The following CSMD1 variants were observed in gnomAD, a reference collection of about 807,000 sequenced individuals.
CSMD1 encodes CUB and Sushi multiple domains 1, also known as CUB and sushi domain-containing protein 1.
In CSMD1, 213 loss-of-function variants were observed where a neutral mutation model predicts 417.5. The observed-to-expected ratio is 0.51, with a 90% CI of 0.46 to 0.57. CSMD1 has a LOEUF of 0.57. Among genes scored for constraint, CSMD1 ranks in the 20% least tolerant of loss-of-function variants. The probability of loss-of-function intolerance (pLI) is 0.00; values close to 1 mark genes in which losing one functional copy is unlikely to be tolerated. For synonymous variants in CSMD1, 2,862 were observed against 1,736.8 expected, an observed-to-expected ratio of 1.65 and a Z score of -16.11; for missense variants, 6,923 against 4,529.7, an observed-to-expected ratio of 1.53 and a Z score of -15.17.
intron 49 of CSMD1, among the ~76,000 whole-genome samples, chr8:3,062,957 A>G (rs2128994569): frequency 1.3e-5 from 2 of 152,340 alleles, no homozygotes; most frequent in African/African-American, 4.8e-5. Flanking sequence ...GATTTATTCA[A>G]TAAAAAGAAA....
At chr8:4,333,573 C>T (rs1371595341) in intron 3 of CSMD1, among the ~76,000 whole-genome samples, 10 of 152,160 alleles carry the variant, frequency 6.6e-5, no homozygotes, top group African/African-American at 1.7e-4. Context: ...ATGCAATATG[C>T]GTTAGTTATT....
At chr8:4,968,499 A>T (rs1448675930) in intron 1 of CSMD1, among the ~76,000 whole-genome samples, 1 of 152,152 alleles carries the variant, frequency 6.6e-6, no homozygotes, top group African/African-American at 2.4e-5. Context: ...GGAAAATGCA[A>T]AATGCAAAAA....
chr8:3,200,214 A>T (rs901590207), intron 32 of CSMD1, among the ~76,000 whole-genome samples: 4 of 152,008 alleles, frequency 2.6e-5, no homozygotes, highest in Non-Finnish European at 5.9e-5. Context: ...TTTTTTTTAA[A>T]TTAAAAGATT....
At chr8:3,432,046 A>G (rs1814250552) in intron 12 of CSMD1, among the ~76,000 whole-genome samples, 1 of 152,054 alleles carries the variant, frequency 6.6e-6, no homozygotes, top group South Asian at 2.1e-4. Flanking sequence ...TGAAGTTCCT[A>G]CTCTGAAAAT....
intron 49 of CSMD1, among the ~76,000 whole-genome samples, chr8:3,056,794 T>G (rs1340520950): frequency 6.6e-6 from 1 of 151,994 alleles, no homozygotes; most frequent in Admixed American, 6.6e-5. Flanking sequence ...GTTAGGATTT[T>G]CAAGTATTTC....
intron 5 of CSMD1, among the ~76,000 whole-genome samples, chr8:3,864,989 GC>G (rs1563157332): frequency 6.6e-6 from 1 of 152,190 alleles, no homozygotes; most frequent in African/African-American, 2.4e-5. Flanking sequence ...GACATCATCT[GC>G]TTTAGTCTGG....
chr8:4,171,512 T>C (rs561041903), intron 3 of CSMD1, among the ~76,000 whole-genome samples: 48 of 152,028 alleles, frequency 3.2e-4, no homozygotes, highest in African/African-American at 9.9e-4. Flanking sequence ...CTTTGTACTC[T>C]ACAGTTTCTT....
At chr8:3,894,266 C>A (rs1016147318) in intron 5 of CSMD1, among the ~76,000 whole-genome samples, 28 of 152,196 alleles carry the variant, frequency 1.8e-4, no homozygotes, top group African/African-American at 5.5e-4. Context: ...CATCTCCACA[C>A]TGTAATCTAC....
chr8:3,739,279 G>A (rs1282364433), intron 6 of CSMD1, among the ~76,000 whole-genome samples: 1 of 152,188 alleles, frequency 6.6e-6, no homozygotes. Flanking sequence ...GCTGTAGATT[G>A]TCTTTAGAAA....
chr8:4,526,170 G>T (rs534508213), intron 2 of CSMD1, among the ~76,000 whole-genome samples: 1 of 152,202 alleles, frequency 6.6e-6, no homozygotes, highest in African/African-American at 2.4e-5. Flanking sequence ...ACCAACATTT[G>T]TGATTTTTGA....
intron 26 of CSMD1, among the ~76,000 whole-genome samples, chr8:3,240,045 G>A (rs905132420): frequency 4.4e-4 from 67 of 152,126 alleles, no homozygotes; most frequent in Non-Finnish European, 1.0e-4. Flanking sequence ...GTTGAGCATA[G>A]TTTGTGATTT....
chr8:4,287,223 T>C (rs990653788), intron 3 of CSMD1, among the ~76,000 whole-genome samples: 2 of 152,222 alleles, frequency 1.3e-5, no homozygotes, highest in East Asian at 3.9e-4. Context: ...ATATCTTGCC[T>C]CTATTTCCTG....
At chr8:3,608,515 G>C (rs984889726) in intron 8 of CSMD1, among the ~76,000 whole-genome samples, 1 of 152,096 alleles carries the variant, frequency 6.6e-6, no homozygotes, top group Non-Finnish European at 1.5e-5. Flanking sequence ...TGTAATCCCA[G>C]CACTTAGGGA....
chr8:4,015,969 A>G (rs1033830982), intron 4 of CSMD1, among the ~76,000 whole-genome samples: 3 of 152,190 alleles, frequency 2.0e-5, no homozygotes, highest in African/African-American at 7.2e-5. Context: ...CGTTGGAGGG[A>G]AATGTAGAAA....
intron 52 of CSMD1, among the ~76,000 whole-genome samples, chr8:3,016,860 C>T (rs1191642872): frequency 6.6e-6 from 1 of 152,146 alleles, no homozygotes; most frequent in Non-Finnish European, 1.5e-5. Context: ...GGGGCATCTC[C>T]AGGCAGCCAA....
At chr8:3,932,405 C>A in intron 5 of CSMD1, among the ~76,000 whole-genome samples, 1 of 150,540 alleles carries the variant, frequency 6.6e-6, no homozygotes, top group African/African-American at 2.4e-5. Context: ...CATATGCCAT[C>A]TGCATTGACA....
chr8:4,545,407 C>T (rs1022824944), intron 2 of CSMD1, among the ~76,000 whole-genome samples: 2 of 152,118 alleles, frequency 1.3e-5, no homozygotes, highest in African/African-American at 4.8e-5. Context: ...TCAACGTCTG[C>T]CTTGATTAAT....
At chr8:4,696,790 G>A (rs570214306) in intron 1 of CSMD1, among the ~76,000 whole-genome samples, 85 of 152,314 alleles carry the variant, frequency 5.6e-4, no homozygotes, top group Middle Eastern at 3.4e-3. Context: ...ATCAGTGAAT[G>A]TATGTTTACA....
intron 3 of CSMD1, among the ~76,000 whole-genome samples, chr8:4,271,039 A>C (rs1398115229): frequency 1.3e-5 from 2 of 152,198 alleles, no homozygotes; most frequent in African/African-American, 2.4e-5. Context: ...AGAGTTAAAG[A>C]AAGATTTCCT....
Sources: gnomAD v4.1 joint callset for allele counts (sites outside exome capture counted in the v4.1 genomes callset) on GRCh38, gnomAD v4.1.1 for gene constraint, MANE v1.5 for transcripts, NCBI Gene and HGNC (gene_info 2026-07-23, HGNC 2026-07-21) for gene names.